The following POLR2F variants were observed in gnomAD, a reference collection of about 807,000 sequenced individuals.
POLR2F encodes the protein DNA-directed RNA polymerases I, II, and III subunit RPABC2.
A neutral mutation model predicts 22.7 loss-of-function variants in POLR2F; 12 were observed. The ratio of observed to expected loss-of-function variants is 0.53; its 90% CI spans 0.34 to 0.86. The LOEUF (loss-of-function observed/expected upper bound fraction) is 0.86. Among genes scored for constraint, POLR2F ranks in the 40% least tolerant of loss-of-function variants. The pLI is 0.02. For synonymous variants in POLR2F, 57 were observed against 66.0 expected (o/e 0.86, Z 0.66); for missense variants, 126 against 171.5 (o/e 0.73, Z 1.48).
chr22:38,023,764 C>T (rs1377453223), intron 1 of POLR2F, among the ~76,000 whole-genome samples: 5 of 152,072 alleles, frequency 3.3e-5, no homozygotes, highest in African/African-American at 7.2e-5. Context: ...CCTCTGCCTC[C>T]CGGGTTCAAG....
At chr22:37,965,196 G>T (rs1472645981) in intron 3 of POLR2F, among the ~76,000 whole-genome samples, 1 of 151,920 alleles carries the variant, frequency 6.6e-6, no homozygotes, top group Non-Finnish European at 1.5e-5. Context: ...TAGTAGAGAC[G>T]GGGTTTCACC....
chr22:37,993,117 C>T (rs1294449338), intron 1 of POLR2F, among the ~76,000 whole-genome samples: 1 of 152,042 alleles, frequency 6.6e-6, no homozygotes, highest in Non-Finnish European at 1.5e-5. Context: ...TGAGATGGGT[C>T]CATTGGTGTT....
At chr22:37,962,784 G>A (rs374673432) in intron 3 of POLR2F, among the ~76,000 whole-genome samples, 2 of 151,666 alleles carry the variant, frequency 1.3e-5, no homozygotes, top group Middle Eastern at 3.2e-3. Flanking sequence ...TCTGCCTCAC[G>A]GGTTCACGCC....
chr22:37,967,124 C>A lies in POLR2F; in HGVS notation c.247C>A (p.Leu83Met). 1.9e-6 allele frequency: 3 copies of A among 1,613,294 alleles called. No homozygotes were observed. The highest frequency in any genetic ancestry group is 2.5e-6 in the Non-Finnish European group (3 of 1,179,528). The change falls in exon 4 of 5, where the codon CTG (leucine) becomes ATG (methionine). Residue 83 changes from leucine to methionine, a missense_variant. Leu to Met is a conservative substitution (Grantham distance 15). Coordinates refer to ENST00000442738, the MANE Select transcript of POLR2F (RefSeq NM_021974.5). Reference protein sequence around the residue: ...IAMCAPVMVELEGETDPLLIA... With the variant: ...IAMCAPVMVEMEGETDPLLIA... ...GATGTGTGCCCCTGTGATGGTGGAG[C>A]TGGAGGGGGAGACAGATCCTCTGCT...
intron 1 of POLR2F, among the ~76,000 whole-genome samples, chr22:37,954,785 A>G (rs548033108): frequency 6.6e-6 from 1 of 152,256 alleles, no homozygotes; most frequent in Non-Finnish European, 1.5e-5. Flanking sequence ...AACGTGTGGG[A>G]TTGCTACCCC....
At chr22:38,039,017 C>G (rs2145838423) in intron 5 of POLR2F, among the ~76,000 whole-genome samples, 1 of 152,308 alleles carries the variant, frequency 6.6e-6, no homozygotes, top group Non-Finnish European at 1.5e-5. Context: ...CCCTCCCGTC[C>G]CCAGCCTCCG....
In POLR2F at chr22:37,997,223, C is replaced by G. The variant is rs1273816944; in HGVS notation, c.120+10911C>G. 6.6e-6 allele frequency among the ~76,000 whole-genome samples: 1 copy of G among 152,146 alleles called. No homozygotes were observed. The highest frequency in any genetic ancestry group is 1.5e-5 in the Non-Finnish European group (1 of 68,010). On this transcript the variant is annotated intron_variant, in intron 1 of 2. Coordinates refer to the POLR2F transcript ENST00000333418. This position sits in a 1 kb window ranked among gnomAD's most constrained non-coding sequence, Gnocchi z 4.4. ...TCCCCTCCTCTGAAGGCCTCTTCCC[C>G]CTGACCTTTCTCCCTTCTTTTCCAC...
intron 3 of POLR2F, among the ~76,000 whole-genome samples, chr22:37,962,103 C>T (rs6000962): frequency 0.015 from 2,317 of 152,042 alleles, 69 homozygotes; most frequent in African/African-American, 0.053. Context: ...TGGTGGCGTG[C>T]GCCTGTAGTC....
chr22:37,973,815 C>T (rs770105416), downstream of POLR2F: 18 of 1,599,228 alleles, frequency 1.1e-5, no homozygotes, highest in East Asian at 2.2e-5. Flanking sequence ...TGGGGCCCCG[C>T]GGTCTCTGTC....
At chr22:38,041,107 C>G (rs534127422), downstream of POLR2F, 6 of 1,612,888 alleles carry the variant, frequency 3.7e-6, no homozygotes, top group African/African-American at 4.0e-5. Flanking sequence ...CCTGAAGCCC[C>G]GTGAACAATG....
At chr22:38,027,461 C>T (rs1341680272), downstream of POLR2F, among the ~76,000 whole-genome samples, 1 of 152,106 alleles carries the variant, frequency 6.6e-6, no homozygotes, top group Non-Finnish European at 1.5e-5. Flanking sequence ...GTGGCTTCCG[C>T]AGCATGTCCT....
chr22:37,967,583 G>T (rs762775424), intron 4 of POLR2F, 42 bp from the exon 5 acceptor site: 1 of 1,608,276 alleles, frequency 6.2e-7, no homozygotes, highest in Admixed American at 1.7e-5. Context: ...CAGAGCTGGG[G>T]TCACCAGCCC....
intron 2 of POLR2F, among the ~76,000 whole-genome samples, chr22:37,957,724 A>C (rs118154520): frequency 6.6e-6 from 1 of 151,132 alleles, no homozygotes; most frequent in East Asian, 1.9e-4. Context: ...GCATTTTTCT[A>C]CTCCTGGTGC....
chr22:37,967,677 G>A lies in POLR2F; in HGVS notation c.346G>A (p.Glu116Lys), dbSNP rs753053611. 1 of 1,613,978 alleles carries A rather than the reference G, an allele frequency of 6.2e-7. No homozygotes were observed. The highest frequency in any genetic ancestry group is 1.1e-5 in the South Asian group (1 of 91,074). ...CCGTTACCTGCCAGATGGGAGCTAT[G>A]AAGACTGGGGGGTGGACGAGCTCAT... ...IRRYLPDGSY[E>K]DWGVDELIIT... is the part of the protein sequence containing the mutation. The change falls in exon 5 of 5, where the codon GAA (glutamate) becomes AAA (lysine). Residue 116 changes from glutamate (E) to lysine (K), a missense_variant. By Grantham distance (56) the Glu-to-Lys change is moderately conservative. Transcript: ENST00000442738.
intron 1 of POLR2F, among the ~76,000 whole-genome samples, chr22:38,001,350 A>G (rs998481178): frequency 5.9e-5 from 9 of 152,254 alleles, no homozygotes; most frequent in African/African-American, 2.2e-4. Flanking sequence ...TTACAGAAGT[A>G]TCTTATAGAG....
chr22:38,016,223 C>A lies in POLR2F; in HGVS notation c.121-9646C>A, dbSNP rs911253033. On this transcript the variant is annotated intron_variant, in intron 1 of 2. Transcript: ENST00000333418. The surrounding 1 kb of genome is among the most constrained non-coding windows in gnomAD (Gnocchi z 4.4). Reference sequence around the variant, plus strand: ...GCACAGCTGGGCCAAAGCCTGGGGTCATCATCATGTAGACCCAAAGTGGGC... The same window carrying A: ...GCACAGCTGGGCCAAAGCCTGGGGTAATCATCATGTAGACCCAAAGTGGGC... Among the ~76,000 whole-genome samples, 4 of 152,194 alleles carry A rather than the reference C, an allele frequency of 2.6e-5. No individual in the cohort carries two copies. Among genetic ancestry groups the A allele is most frequent in the Non-Finnish European group, 5.9e-5 (4 of 68,032 alleles).
intron 4 of POLR2F, chr22:37,977,832 C>T (rs2145767878): frequency 6.3e-7 from 1 of 1,591,626 alleles, no homozygotes; most frequent in Non-Finnish European, 8.6e-7. Context: ...ACTGACTGGC[C>T]TTGCCCCACC....
At chr22:38,014,198 T>A (rs769467311) in intron 1 of POLR2F, among the ~76,000 whole-genome samples, 4 of 151,844 alleles carry the variant, frequency 2.6e-5, no homozygotes, top group Non-Finnish European at 5.9e-5. Flanking sequence ...CTTGCTAAAC[T>A]CATGTATAAT....
intron 4 of POLR2F, among the ~76,000 whole-genome samples, chr22:37,975,026 G>A (rs1012967897): frequency 1.3e-5 from 2 of 152,228 alleles, no homozygotes; most frequent in South Asian, 2.1e-4. Context: ...CCTTAGCCCC[G>A]TCATACGCTG....
Sources: allele counts gnomAD v4.1 joint callset (sites outside exome capture counted in the v4.1 genomes callset), GRCh38; gene constraint gnomAD v4.1.1; non-coding constraint Gnocchi (gnomAD v3.1); transcripts MANE v1.5; gene names NCBI Gene and HGNC (gene_info 2026-07-23, HGNC 2026-07-21).